Variants in NECAB1 observed in about 807,000 individuals in gnomAD.
NECAB1 encodes the protein N-terminal EF-hand calcium-binding protein 1.
In NECAB1, 29 loss-of-function variants were observed where a neutral mutation model predicts 57.5. That is an observed-to-expected ratio of 0.50 (90% confidence interval 0.38 to 0.69). The LOEUF is 0.69. NECAB1 is among the 30% of genes least tolerant of loss of function. NECAB1 has a pLI of 0.00. For synonymous variants in NECAB1, 142 were observed against 147.7 expected (o/e 0.96, Z 0.28); for missense variants, 372 against 413.8 (o/e 0.90, Z 0.88).
intron 5 of NECAB1, among the ~76,000 whole-genome samples, chr8:90,911,420 T>C (rs1445326427): frequency 6.6e-6 from 1 of 152,150 alleles, no homozygotes; most frequent in Non-Finnish European, 1.5e-5. Flanking sequence ...GTATATATTA[T>C]AAATTGTGTC....
At chr8:90,840,041 A>G (rs963070707) in intron 3 of NECAB1, among the ~76,000 whole-genome samples, 3 of 152,218 alleles carry the variant, frequency 2.0e-5, no homozygotes, top group African/African-American at 7.2e-5. Flanking sequence ...GATTTTGCCT[A>G]AATCTTTCTG....
intron 6 of NECAB1, among the ~76,000 whole-genome samples, chr8:90,924,786 TACA>T (rs1336167421): frequency 6.6e-6 from 1 of 152,168 alleles, no homozygotes; most frequent in South Asian, 2.1e-4. Flanking sequence ...GGAAATTCCT[TACA>T]ACATTTCCAT....
chr8:90,857,910 A>T (rs952336169), intron 3 of NECAB1, among the ~76,000 whole-genome samples: 1 of 152,178 alleles, frequency 6.6e-6, no homozygotes, highest in East Asian at 1.9e-4. Context: ...AAATATTGGG[A>T]ATATAAGATT....
chr8:90,951,042 T>C (rs988798465), intron 11 of NECAB1, 71 bp from the exon 12 acceptor site: 1 of 856,966 alleles, frequency 1.2e-6, no homozygotes, highest in Admixed American at 3.0e-5. Flanking sequence ...CTTGATCAAA[T>C]TTGATCTCTG....
intron 3 of NECAB1, among the ~76,000 whole-genome samples, chr8:90,838,488 T>C (rs1158821242): frequency 6.6e-6 from 1 of 152,202 alleles, no homozygotes; most frequent in Non-Finnish European, 1.5e-5. Flanking sequence ...ATTCTGGCAG[T>C]TCAGGCACCA....
intron 5 of NECAB1, among the ~76,000 whole-genome samples, chr8:90,917,051 G>A (rs1329331143): frequency 6.6e-6 from 1 of 152,106 alleles, no homozygotes; most frequent in African/African-American, 2.4e-5. Flanking sequence ...AGTGAATTAA[G>A]CCAATTGCTG....
intron 5 of NECAB1, among the ~76,000 whole-genome samples, chr8:90,913,698 T>C (rs1809883740): frequency 6.6e-6 from 1 of 152,134 alleles, no homozygotes; most frequent in Non-Finnish European, 1.5e-5. Context: ...AGGGCCAGGA[T>C]TTGACATTTT....
chr8:90,880,003 AAAG>A (rs1329292787), intron 4 of NECAB1, among the ~76,000 whole-genome samples: 19 of 152,324 alleles, frequency 1.2e-4, no homozygotes, highest in Non-Finnish European at 2.4e-4. Context: ...TTTCTTCTCA[AAAG>A]AAGTCTGTAC....
In NECAB1 at chr8:90,956,973, T is replaced by TGC; in HGVS notation, c.*1462_*1463insCG. 1 of 151,970 alleles carries TGC rather than the reference T, an allele frequency of 6.6e-6. No homozygotes were observed. Among genetic ancestry groups the TGC allele is most frequent in the South Asian group, 2.1e-4 (1 of 4,828 alleles). The allele number at this position is 151,970 out of a possible 1,614,324, so 9.4% of individuals were successfully genotyped here. On this transcript the variant is annotated 3_prime_UTR_variant, in exon 13 of 13. Transcript: ENST00000417640. Reference sequence around the variant, plus strand: ...GTGTGTGTGTGTGTGTGTGTGTGTGTGTGTGTGTGTGTATTTGTGTGCCTC... The same window carrying TGC: ...GTGTGTGTGTGTGTGTGTGTGTGTGTGCGTGTGTGTGTGTATTTGTGTGCCTC...
At chr8:90,826,555 G>C (rs1812229079) in intron 3 of NECAB1, among the ~76,000 whole-genome samples, 1 of 151,924 alleles carries the variant, frequency 6.6e-6, no homozygotes, top group South Asian at 2.1e-4. Context: ...GTTGGACGTT[G>C]AGATGCTAAT....
chr8:90,931,242 C>T (rs1314129237), intron 8 of NECAB1, among the ~76,000 whole-genome samples: 1 of 152,178 alleles, frequency 6.6e-6, no homozygotes. Context: ...TCTTCTACAA[C>T]TTATTCTGTA....
intron 6 of NECAB1, among the ~76,000 whole-genome samples, chr8:90,924,584 A>T (rs1810213233): frequency 6.6e-6 from 1 of 152,206 alleles, no homozygotes. Flanking sequence ...TTACAGATTT[A>T]TCATAGACAC....
At chr8:90,889,385 G>A (rs1809094641) in intron 5 of NECAB1, among the ~76,000 whole-genome samples, 1 of 152,094 alleles carries the variant, frequency 6.6e-6, no homozygotes, top group Non-Finnish European at 1.5e-5. Context: ...TTGCTTTCTG[G>A]TCCTCCTTGG....
intron 5 of NECAB1, 96 bp from the exon 6 acceptor site, chr8:90,917,396 A>C (rs1398595944): frequency 1.8e-6 from 2 of 1,102,650 alleles, no homozygotes; most frequent in African/African-American, 3.2e-5. Flanking sequence ...TCTAGGATCA[A>C]TCTGGGATTG....
At chr8:90,944,935 T>C (rs1810762876) in intron 10 of NECAB1, among the ~76,000 whole-genome samples, 1 of 152,226 alleles carries the variant, frequency 6.6e-6, no homozygotes, top group Admixed American at 6.5e-5. Flanking sequence ...TCTCACACTG[T>C]TGCCCAGGCT....
intron 3 of NECAB1, among the ~76,000 whole-genome samples, chr8:90,835,223 C>G (rs1013363871): frequency 1.3e-5 from 2 of 152,138 alleles, no homozygotes; most frequent in Non-Finnish European, 2.9e-5. Flanking sequence ...GCACATATTG[C>G]AAGCTCAATA....
At chr8:90,810,484 C>A (rs912219390) in intron 2 of NECAB1, among the ~76,000 whole-genome samples, 1 of 152,140 alleles carries the variant, frequency 6.6e-6, no homozygotes, top group African/African-American at 2.4e-5. Context: ...ATTAACCTCT[C>A]TGAGTTCATT....
At chr8:90,806,995 T>TC (rs1811857139) in intron 2 of NECAB1, among the ~76,000 whole-genome samples, 1 of 152,242 alleles carries the variant, frequency 6.6e-6, no homozygotes, top group Non-Finnish European at 1.5e-5. Context: ...TGATTTTTTT[T>TC]CACTTTGTTG....
chr8:90,863,511 C>T (rs559252902), intron 3 of NECAB1, among the ~76,000 whole-genome samples: 1 of 152,162 alleles, frequency 6.6e-6, no homozygotes, highest in East Asian at 1.9e-4. Context: ...TTTTCTGATG[C>T]TTTTGTATAC....
Sources: allele counts gnomAD v4.1 joint callset (sites outside exome capture counted in the v4.1 genomes callset), GRCh38; gene constraint gnomAD v4.1.1; transcripts MANE v1.5; gene names NCBI Gene and HGNC (gene_info 2026-07-23, HGNC 2026-07-21).